Variants in TMEM132D observed in about 807,000 individuals in gnomAD.
TMEM132D encodes mature OL transmembrane protein.
In TMEM132D, 21 loss-of-function variants were observed where a neutral mutation model predicts 62.3. The ratio of observed to expected loss-of-function variants is 0.34; its 90% CI spans 0.24 to 0.49. The LOEUF (loss-of-function observed/expected upper bound fraction) is 0.49, where lower values mean the gene tolerates loss of function less well. TMEM132D is among the 20% of genes least tolerant of loss of function. The pLI is 0.99. For missense variants in TMEM132D, 1,346 were observed against 1,402.8 expected, an observed-to-expected ratio of 0.96 and a Z score of 0.65; for synonymous variants, 621 against 575.6, an observed-to-expected ratio of 1.08 and a Z score of -1.13.
intron 3 of TMEM132D, among the ~76,000 whole-genome samples, chr12:129,462,924 T>C (rs1037308823): frequency 6.6e-6 from 1 of 152,052 alleles, no homozygotes; most frequent in African/African-American, 2.4e-5. Context: ...AAGAGAGAGG[T>C]AGGTTCTTTT....
intron 6 of TMEM132D, 90 bp from the exon 7 acceptor site, chr12:129,082,122 AG>A: frequency 6.8e-7 from 1 of 1,478,894 alleles, no homozygotes; most frequent in African/African-American, 1.4e-5. Flanking sequence ...CTGCAGAGGT[AG>A]GTAGGCCATG....
intron 1 of TMEM132D, among the ~76,000 whole-genome samples, chr12:129,807,015 C>G (rs2137312272): frequency 6.6e-6 from 1 of 152,156 alleles, no homozygotes. Context: ...GCCTGGGCAA[C>G]AGAGCAAGAC....
chr12:129,746,618 A>G (rs1042594036), intron 1 of TMEM132D, among the ~76,000 whole-genome samples: 6 of 152,120 alleles, frequency 3.9e-5, no homozygotes, highest in African/African-American at 1.4e-4. Flanking sequence ...TTATACACAT[A>G]AGCCATATTT....
At chr12:129,795,977 T>A (rs1871550740) in intron 1 of TMEM132D, among the ~76,000 whole-genome samples, 2 of 152,174 alleles carry the variant, frequency 1.3e-5, no homozygotes, top group African/African-American at 4.8e-5. Context: ...TATTTTTTCC[T>A]TTTTTCCCAT....
chr12:129,778,473 T>C (rs1871019721), intron 1 of TMEM132D, among the ~76,000 whole-genome samples: 1 of 152,166 alleles, frequency 6.6e-6, no homozygotes, highest in Non-Finnish European at 1.5e-5. Flanking sequence ...TCCAGCTGTT[T>C]GTGACTCCCG....
intron 4 of TMEM132D, among the ~76,000 whole-genome samples, chr12:129,255,019 C>T (rs114545227): frequency 3.6e-4 from 55 of 152,244 alleles, no homozygotes; most frequent in African/African-American, 1.2e-3. Context: ...CCCTTTGGTG[C>T]TGTTCTCACG....
intron 5 of TMEM132D, among the ~76,000 whole-genome samples, chr12:129,086,380 CA>C (rs1874623245): frequency 6.6e-6 from 1 of 152,176 alleles, no homozygotes; most frequent in Non-Finnish European, 1.5e-5. Flanking sequence ...AGTAATTTCT[CA>C]TCCCTCAACC....
intron 2 of TMEM132D, among the ~76,000 whole-genome samples, chr12:129,545,698 A>T (rs567400420): frequency 6.6e-6 from 1 of 152,308 alleles, no homozygotes; most frequent in East Asian, 1.9e-4. Flanking sequence ...CCATCAGCTG[A>T]AAGCATCCGT....
intron 2 of TMEM132D, among the ~76,000 whole-genome samples, chr12:129,533,994 A>C (rs1425171656): frequency 6.6e-6 from 1 of 152,216 alleles, no homozygotes; most frequent in Non-Finnish European, 1.5e-5. Context: ...GTGTTGGGTT[A>C]ATAATTTTGA....
chr12:129,472,806 AC>A (rs765869588), intron 3 of TMEM132D, among the ~76,000 whole-genome samples: 2 of 152,244 alleles, frequency 1.3e-5, no homozygotes, highest in Non-Finnish European at 2.9e-5. Context: ...ATCACATGCT[AC>A]GGAGAAATCT....
chr12:129,165,966 A>G (rs1337931944), intron 5 of TMEM132D, among the ~76,000 whole-genome samples: 4 of 152,294 alleles, frequency 2.6e-5, no homozygotes, highest in East Asian at 3.9e-4. Context: ...GTTTATATGC[A>G]TTATATGCAT....
chr12:129,575,234 C>A (rs1026410204), intron 2 of TMEM132D, among the ~76,000 whole-genome samples: 5 of 151,584 alleles, frequency 3.3e-5, no homozygotes, highest in African/African-American at 1.2e-4. Context: ...AATATGTTAA[C>A]TGGCTGTTTT....
chr12:129,771,331 T>C (rs1870746018), intron 1 of TMEM132D, among the ~76,000 whole-genome samples: 1 of 152,122 alleles, frequency 6.6e-6, no homozygotes, highest in Admixed American at 6.5e-5. Flanking sequence ...ATCTGTAAAA[T>C]GTGGATAATA....
At chr12:129,257,602 G>A (rs1364206842) in intron 4 of TMEM132D, among the ~76,000 whole-genome samples, 1 of 152,168 alleles carries the variant, frequency 6.6e-6, no homozygotes, top group East Asian at 1.9e-4. Flanking sequence ...TCTCAGTCTA[G>A]TCCAAGTGTG....
chr12:129,581,407 C>T (rs979991328), intron 2 of TMEM132D, among the ~76,000 whole-genome samples: 12 of 152,142 alleles, frequency 7.9e-5, no homozygotes, highest in African/African-American at 2.9e-4. Context: ...AAGGTGAAGT[C>T]CCACCATAGG....
At chr12:129,380,975 T>A (rs1178985796) in intron 3 of TMEM132D, among the ~76,000 whole-genome samples, 1 of 152,224 alleles carries the variant, frequency 6.6e-6, no homozygotes, top group East Asian at 1.9e-4. Flanking sequence ...ATGAGAATTG[T>A]GTCAGATGGC....
At chr12:129,440,019 C>T (rs1235489696) in intron 3 of TMEM132D, among the ~76,000 whole-genome samples, 1 of 152,116 alleles carries the variant, frequency 6.6e-6, no homozygotes, top group Non-Finnish European at 1.5e-5. Context: ...GCTCTCATCC[C>T]AGAATGAAAA....
intron 2 of TMEM132D, among the ~76,000 whole-genome samples, chr12:129,640,318 A>AT (rs1879610307): frequency 6.6e-6 from 1 of 152,188 alleles, no homozygotes; most frequent in Admixed American, 6.5e-5. Flanking sequence ...GTGGATTTTC[A>AT]TAAAATCCAC....
intron 3 of TMEM132D, among the ~76,000 whole-genome samples, chr12:129,498,120 C>T (rs1442118530): frequency 6.6e-6 from 1 of 152,132 alleles, no homozygotes; most frequent in East Asian, 1.9e-4. Flanking sequence ...AGAGAGTAAA[C>T]AGTACATAGG....
Sources: gnomAD v4.1 joint callset for allele counts (sites outside exome capture counted in the v4.1 genomes callset) on GRCh38, gnomAD v4.1.1 for gene constraint, MANE v1.5 for transcripts, NCBI Gene and HGNC (gene_info 2026-07-23, HGNC 2026-07-21) for gene names.